The following RBFOX1 variants were observed in gnomAD, a reference collection of about 807,000 sequenced individuals.
The protein encoded by RBFOX1 is RNA binding fox-1 homolog 1, also known as RNA binding protein fox-1 homolog 1.
Under a neutral mutation model 57.7 loss-of-function variants are expected in RBFOX1, and 8 were observed. The observed-to-expected ratio is 0.14, with a 90% CI of 0.08 to 0.25. The LOEUF (loss-of-function observed/expected upper bound fraction) is 0.25, where lower values mean the gene tolerates loss of function less well. RBFOX1 is among the 10% of genes least tolerant of loss of function. RBFOX1 has a pLI of 1.00. For synonymous variants in RBFOX1, 326 were observed against 222.4 expected (o/e 1.47, Z -4.15); for missense variants, 611 against 548.5 (o/e 1.11, Z -1.14).
At chr16:7,084,835 T>TTGTC (rs577566060) in intron 4 of RBFOX1, among the ~76,000 whole-genome samples, 33 of 152,264 alleles carry the variant, frequency 2.2e-4, no homozygotes, top group African/African-American at 5.3e-4. Context: ...TCTGGCAATC[T>TTGTC]TGTCTGTCTG....
chr16:6,656,058 A>C (rs923739297), intron 3 of RBFOX1, among the ~76,000 whole-genome samples: 1 of 152,162 alleles, frequency 6.6e-6, no homozygotes, highest in East Asian at 1.9e-4. Context: ...AGGAATTTCA[A>C]TTCATGTTTG....
At chr16:7,432,288 G>C (rs191110403) in intron 4 of RBFOX1, among the ~76,000 whole-genome samples, 1 of 152,300 alleles carries the variant, frequency 6.6e-6, no homozygotes, top group Non-Finnish European at 1.5e-5. Flanking sequence ...AGTGAACTTT[G>C]GGATTTTGGT....
intron 14 of RBFOX1, among the ~76,000 whole-genome samples, chr16:7,683,365 G>A (rs1415678675): frequency 6.6e-6 from 1 of 151,696 alleles, no homozygotes; most frequent in African/African-American, 2.4e-5. Context: ...AAAAGAAAAT[G>A]TGTTCAACTT....
intron 4 of RBFOX1, among the ~76,000 whole-genome samples, chr16:7,159,061 C>T (rs1401586480): frequency 6.6e-6 from 1 of 151,852 alleles, no homozygotes; most frequent in African/African-American, 2.4e-5. Flanking sequence ...CTAACCTGTT[C>T]TTCACTTCTG....
intron 4 of RBFOX1, among the ~76,000 whole-genome samples, chr16:5,925,087 T>G (rs1370296598): frequency 6.6e-6 from 1 of 152,142 alleles, no homozygotes; most frequent in Non-Finnish European, 1.5e-5. Context: ...CCTCCCTGTT[T>G]CCACACCAAC....
chr16:6,989,723 G>T lies in RBFOX1; in HGVS notation c.-15-62334G>T, dbSNP rs555889106. On this transcript the variant is annotated intron_variant, in intron 3 of 15. Coordinates refer to ENST00000550418, the MANE Select transcript of RBFOX1 (RefSeq NM_018723.4). ...AAATAGAAGTCCCTAAAAGGGGTCA[G>T]GTGCTGTGGCTCACACCTGTAATTC... Among the ~76,000 whole-genome samples, 6 of 152,270 alleles carry T rather than the reference G, an allele frequency of 3.9e-5. No homozygotes were observed. In the East Asian group the frequency reaches 1.2e-3, roughly 29 times the overall value.
rs182131890 is a variant in RBFOX1, at chr16:6,169,155, A to G, written c.-126-147840A>G. Among the ~76,000 whole-genome samples, 265 of 152,312 alleles carry G rather than the reference A, an allele frequency of 1.7e-3. 1 individual carries two copies. The highest frequency in any genetic ancestry group is 5.7e-3 in the African/African-American group (238 of 41,576). On this transcript the variant is annotated intron_variant, in intron 1 of 15. Transcript: ENST00000550418. ...AGGGGATTGCATTGATCTTGGGGTC[A>G]TTGGAGTAAAGCAAAACATGATCAC...
intron 3 of RBFOX1, chr16:5,610,456 T>C (rs1031142553): frequency 6.6e-6 from 1 of 152,118 alleles, no homozygotes; most frequent in African/African-American, 2.4e-5. Flanking sequence ...GGGACATGGG[T>C]ATAGGCAGGA....
chr16:5,775,073 C>T (rs954555261), intron 3 of RBFOX1, among the ~76,000 whole-genome samples: 6 of 152,142 alleles, frequency 3.9e-5, no homozygotes, highest in Admixed American at 3.3e-4. Flanking sequence ...CTCCACAGTG[C>T]TTATAAAGTC....
intron 1 of RBFOX1, among the ~76,000 whole-genome samples, chr16:5,403,361 A>AAAAAAAAC (rs1555509347): frequency 6.8e-6 from 1 of 147,184 alleles, no homozygotes; most frequent in African/African-American, 2.6e-5. Context: ...AAAAAAAAAA[A>AAAAAAAAC]AAAAAACAAA....
At chr16:7,598,201 T>G (rs962671473) in intron 9 of RBFOX1, among the ~76,000 whole-genome samples, 1 of 152,142 alleles carries the variant, frequency 6.6e-6, no homozygotes, top group Admixed American at 6.6e-5. Context: ...ATTAAAGCAA[T>G]GCAGTAAGTT....
chr16:6,451,840 C>T (rs1263643190), intron 2 of RBFOX1, among the ~76,000 whole-genome samples: 1 of 151,702 alleles, frequency 6.6e-6, no homozygotes, highest in Non-Finnish European at 1.5e-5. Context: ...ATGGCTCTTT[C>T]CTTCCATGGT....
chr16:6,995,796 G>A (rs775419512), intron 3 of RBFOX1, among the ~76,000 whole-genome samples: 9 of 151,948 alleles, frequency 5.9e-5, no homozygotes, highest in Non-Finnish European at 1.2e-4. Flanking sequence ...AAAGGGAAAG[G>A]CTTTGAGGTA....
chr16:6,978,507 C>A (rs1158833071), intron 3 of RBFOX1, among the ~76,000 whole-genome samples: 1 of 152,174 alleles, frequency 6.6e-6, no homozygotes, highest in Non-Finnish European at 1.5e-5. Flanking sequence ...CTCCATTTTA[C>A]AGAAAGGGAA....
At chr16:6,798,385 A>G (rs561804427) in intron 3 of RBFOX1, among the ~76,000 whole-genome samples, 3 of 152,310 alleles carry the variant, frequency 2.0e-5, no homozygotes, top group Admixed American at 1.3e-4. Flanking sequence ...ATTCTGAGAC[A>G]GAAGAAGTAG....
intron 3 of RBFOX1, among the ~76,000 whole-genome samples, chr16:6,844,900 C>G (rs147644227): frequency 0.039 from 5,972 of 152,206 alleles, 142 homozygotes; most frequent in Non-Finnish European, 0.055. Flanking sequence ...GATGGTATCT[C>G]ATTGTGGTTT....
intron 3 of RBFOX1, among the ~76,000 whole-genome samples, chr16:6,880,902 G>A (rs1027768796): frequency 1.3e-5 from 2 of 152,180 alleles, no homozygotes; most frequent in Non-Finnish European, 2.9e-5. Flanking sequence ...TGAAGCTGTT[G>A]AGCTTGAGCA....
intron 11 of RBFOX1, among the ~76,000 whole-genome samples, chr16:7,651,142 A>G (rs769323853): frequency 1.3e-5 from 2 of 152,198 alleles, no homozygotes; most frequent in African/African-American, 4.8e-5. Flanking sequence ...GGGTTCTACA[A>G]TCCTCGTATT....
chr16:6,753,136 G>T (rs1215466840), intron 3 of RBFOX1, among the ~76,000 whole-genome samples: 4 of 152,154 alleles, frequency 2.6e-5, no homozygotes, highest in Non-Finnish European at 5.9e-5. Context: ...CTTGTAGGGG[G>T]TATTTTAATG....
Sources: gnomAD v4.1 joint callset for allele counts (sites outside exome capture counted in the v4.1 genomes callset) on GRCh38, gnomAD v4.1.1 for gene constraint, MANE v1.5 for transcripts, NCBI Gene and HGNC (gene_info 2026-07-23, HGNC 2026-07-21) for gene names.